The following RUNX2 variants were observed in gnomAD, a reference collection of about 807,000 sequenced individuals.
RUNX2 encodes RUNX family transcription factor 2.
In RUNX2, 10 loss-of-function variants were observed where a neutral mutation model predicts 51.7. That is an observed-to-expected ratio of 0.19 (90% confidence interval 0.12 to 0.33). The LOEUF (loss-of-function observed/expected upper bound fraction) is 0.33, where lower values mean the gene tolerates loss of function less well. RUNX2 is among the 10% of genes least tolerant of loss of function. RUNX2 has a pLI of 1.00. For missense variants in RUNX2, 562 were observed against 691.3 expected (o/e 0.81, Z 2.10); for synonymous variants, 276 against 273.6 (o/e 1.01, Z -0.09).
chr6:45,516,435 A>G (rs1801322938), intron 7 of RUNX2, among the ~76,000 whole-genome samples: 1 of 152,256 alleles, frequency 6.6e-6, no homozygotes, highest in Non-Finnish European at 1.5e-5. Context: ...TATAAAAGTC[A>G]GCACTAGTCT....
chr6:45,544,811 G>T (rs937867191), intron 7 of RUNX2, among the ~76,000 whole-genome samples: 4 of 152,208 alleles, frequency 2.6e-5, no homozygotes, highest in Admixed American at 6.5e-5. Flanking sequence ...CAGGGCACAA[G>T]CACTGGGCGG....
chr6:45,480,946 A>G (rs1800096072), intron 5 of RUNX2, among the ~76,000 whole-genome samples: 1 of 152,108 alleles, frequency 6.6e-6, no homozygotes, highest in African/African-American at 2.4e-5. Flanking sequence ...TTTGGTTATT[A>G]CTTTTTAACA....
At chr6:45,405,493 A>G (rs1797813578) in intron 2 of RUNX2, among the ~76,000 whole-genome samples, 1 of 152,168 alleles carries the variant, frequency 6.6e-6, no homozygotes, top group Non-Finnish European at 1.5e-5. Context: ...GTAGCTTAAA[A>G]ATCAACTATG....
intron 2 of RUNX2, among the ~76,000 whole-genome samples, chr6:45,405,505 T>G (rs1797814326): frequency 6.6e-6 from 1 of 152,184 alleles, no homozygotes; most frequent in South Asian, 2.1e-4. Context: ...TCAACTATGG[T>G]AGGCTGGGCG....
intron 2 of RUNX2, among the ~76,000 whole-genome samples, chr6:45,411,902 C>A (rs994418200): frequency 6.6e-6 from 1 of 152,062 alleles, no homozygotes; most frequent in African/African-American, 2.4e-5. Context: ...AAGCATTAAG[C>A]TTAAGATCTG....
chr6:45,356,570 A>T (rs914759227), intron 2 of RUNX2, among the ~76,000 whole-genome samples: 3 of 147,908 alleles, frequency 2.0e-5, no homozygotes, highest in East Asian at 2.0e-4. Flanking sequence ...GCTAATGTTT[A>T]TTTTTTTTTT....
At chr6:45,338,922 AG>A (rs1789179131) in intron 2 of RUNX2, among the ~76,000 whole-genome samples, 1 of 152,164 alleles carries the variant, frequency 6.6e-6, no homozygotes, top group Non-Finnish European at 1.5e-5. Flanking sequence ...TACAAATTCT[AG>A]TCCTGAGCTG....
chr6:45,359,160 A>G (rs969282202), intron 2 of RUNX2, among the ~76,000 whole-genome samples: 3 of 152,168 alleles, frequency 2.0e-5, no homozygotes, highest in African/African-American at 2.4e-5. Flanking sequence ...ATATTTAAAT[A>G]AAAAAATCAA....
At chr6:45,333,869 T>G (rs1286790901) in intron 2 of RUNX2, among the ~76,000 whole-genome samples, 1 of 151,228 alleles carries the variant, frequency 6.6e-6, no homozygotes, top group Non-Finnish European at 1.5e-5. Flanking sequence ...TGACTTGAGC[T>G]CTAAATAAAA....
At chr6:45,391,834 T>C (rs1797477905) in intron 2 of RUNX2, among the ~76,000 whole-genome samples, 1 of 152,198 alleles carries the variant, frequency 6.6e-6, no homozygotes. Context: ...TTGGGGATTA[T>C]GGGGATAAAA....
At chr6:45,529,037 C>T (rs1183956496) in intron 7 of RUNX2, among the ~76,000 whole-genome samples, 1 of 152,206 alleles carries the variant, frequency 6.6e-6, no homozygotes, top group Non-Finnish European at 1.5e-5. Context: ...AGCTATCACT[C>T]CATTCTCAGA....
In RUNX2 at chr6:45,549,222, G is replaced by A. The variant is rs1298048535; in HGVS notation, c.*1917G>A. Reference sequence around the variant, plus strand: ...CTGCTCTCCTCCCCGAAAAGTCAGGGTCCCTTCATTGGAATCCTCCACCCA... The same window carrying A: ...CTGCTCTCCTCCCCGAAAAGTCAGGATCCCTTCATTGGAATCCTCCACCCA... On this transcript the variant is annotated 3_prime_UTR_variant, in exon 9 of 9. Coordinates refer to ENST00000647337, the MANE Select transcript of RUNX2 (RefSeq NM_001024630.4). 3 of 398,378 alleles carry A rather than the reference G, an allele frequency of 7.5e-6. No individual in the cohort carries two copies. Among genetic ancestry groups the A allele is most frequent in the Non-Finnish European group, 1.3e-5 (3 of 226,102 alleles). 24.7% of individuals were successfully genotyped at this position (398,378 alleles called of 1,614,324 possible). A position where few individuals can be genotyped will look rare whatever the true frequency, so the allele number is the denominator to read the frequency against.
intron 2 of RUNX2, among the ~76,000 whole-genome samples, chr6:45,394,656 C>T (rs972907846): frequency 2.0e-5 from 3 of 152,136 alleles, no homozygotes; most frequent in Non-Finnish European, 4.4e-5. Flanking sequence ...CTCCTCCTCC[C>T]GACACTGCCA....
intron 4 of RUNX2, among the ~76,000 whole-genome samples, chr6:45,437,440 T>G (rs2150371458): frequency 6.6e-6 from 1 of 152,282 alleles, no homozygotes; most frequent in East Asian, 1.9e-4. Flanking sequence ...ATGATTCCCA[T>G]AAGAACTTTC....
intron 6 of RUNX2, among the ~76,000 whole-genome samples, chr6:45,508,486 C>G (rs1158364208): frequency 2.6e-5 from 4 of 152,116 alleles, no homozygotes; most frequent in African/African-American, 9.7e-5. Flanking sequence ...CCTTGGCCTT[C>G]CAAAGTGGTG....
At chr6:45,388,730 A>G (rs1191137678) in intron 2 of RUNX2, among the ~76,000 whole-genome samples, 1 of 152,198 alleles carries the variant, frequency 6.6e-6, no homozygotes, top group Non-Finnish European at 1.5e-5. Context: ...AGGACTTTTA[A>G]AAATCTACTG....
intron 5 of RUNX2, among the ~76,000 whole-genome samples, chr6:45,485,697 G>GTGTGTA (rs1219072282): frequency 4.8e-5 from 5 of 104,072 alleles, no homozygotes; most frequent in African/African-American, 1.5e-4. Context: ...GTGTGTGTGT[G>GTGTGTA]TATATATATA....
chr6:45,525,267 T>G (rs1484834502), intron 7 of RUNX2, among the ~76,000 whole-genome samples: 1 of 152,210 alleles, frequency 6.6e-6, no homozygotes, highest in Admixed American at 6.5e-5. Flanking sequence ...TCACATAACC[T>G]CTTTAATCCA....
intron 2 of RUNX2, among the ~76,000 whole-genome samples, chr6:45,331,335 TTATC>T (rs1396578035): frequency 6.6e-6 from 1 of 152,034 alleles, no homozygotes; most frequent in Non-Finnish European, 1.5e-5. Context: ...AGCTGACTGA[TTATC>T]TACATAAAAT....
Sources: allele counts gnomAD v4.1 joint callset (sites outside exome capture counted in the v4.1 genomes callset), GRCh38; gene constraint gnomAD v4.1.1; transcripts MANE v1.5; gene names NCBI Gene and HGNC (gene_info 2026-07-23, HGNC 2026-07-21).